Variants in BPIFA3 observed in about 807,000 individuals in gnomAD.
BPIFA3 encodes the protein BPI fold containing family A member 3.
Under a neutral mutation model 29.7 loss-of-function variants are expected in BPIFA3, and 32 were observed. The observed-to-expected ratio is 1.08, with a 90% CI of 0.81 to 1.45. BPIFA3 has a LOEUF of 1.45. Ranked by LOEUF, BPIFA3 falls within the 40% of genes most tolerant of loss-of-function variation. The probability of loss-of-function intolerance (pLI) is 0.00; values close to 1 mark genes in which losing one functional copy is unlikely to be tolerated. For synonymous variants in BPIFA3, 112 were observed against 113.7 expected (o/e 0.98, Z 0.10); for missense variants, 323 against 311.3 (o/e 1.04, Z -0.28).
intron 5 of BPIFA3, 86 bp from the exon 6 acceptor site, chr20:33,226,844 A>G (rs1485020830): frequency 6.5e-7 from 1 of 1,546,132 alleles, no homozygotes; most frequent in Non-Finnish European, 8.9e-7. Flanking sequence ...AAAAAATCCC[A>G]TGGAGTTGAA....
At chr20:33,221,930 G>A (rs1985532025) in intron 1 of BPIFA3, among the ~76,000 whole-genome samples, 1 of 152,218 alleles carries the variant, frequency 6.6e-6, no homozygotes, top group Non-Finnish European at 1.5e-5. Context: ...TGGAAAGTAT[G>A]TGAAAAGTTC....
At chr20:33,225,963 A>G (rs1241535867) in intron 4 of BPIFA3, 4 of 176,042 alleles carry the variant, frequency 2.3e-5, no homozygotes. Context: ...TACAGCTTTA[A>G]TAAAGCTCCA....
At chr20:33,224,053 G>A (rs1985658752) in intron 2 of BPIFA3, 92 bp downstream of exon 2, 2 of 1,482,802 alleles carry the variant, frequency 1.3e-6, no homozygotes, top group Non-Finnish European at 1.8e-6. Flanking sequence ...GAGGTGCAAG[G>A]CCTGTGAAGA....
intron 4 of BPIFA3, 139 bp downstream of exon 4, chr20:33,225,386 T>C: frequency 8.1e-7 from 1 of 1,239,396 alleles, no homozygotes; most frequent in South Asian, 1.5e-5. Flanking sequence ...TCCTCCCATG[T>C]TCCCATCCGT....
intron 4 of BPIFA3, chr20:33,226,173 A>AC: frequency 2.2e-6 from 1 of 462,364 alleles, no homozygotes; most frequent in Non-Finnish European, 3.8e-6. Flanking sequence ...TAAGGGAAAG[A>AC]CTCTGGAATC....
intron 1 of BPIFA3, among the ~76,000 whole-genome samples, chr20:33,222,629 C>T (rs1316962363): frequency 1.9e-4 from 13 of 68,822 alleles, no homozygotes; most frequent in East Asian, 4.0e-4. Context: ...GATGGATGAG[C>T]GGATGAATGG....
intron 2 of BPIFA3, 108 bp downstream of exon 2, chr20:33,224,069 G>A: frequency 7.3e-7 from 1 of 1,377,020 alleles, no homozygotes; most frequent in Non-Finnish European, 9.9e-7. Context: ...GAAGAGGGAA[G>A]GTAGGAAGAT....
At chr20:33,223,990 T>C (rs764349800) in intron 2 of BPIFA3, 29 bp downstream of exon 2, 2 of 1,610,602 alleles carry the variant, frequency 1.2e-6, no homozygotes, top group Admixed American at 3.3e-5. Flanking sequence ...TCCGTGGCCC[T>C]GGAACTCTTT....
At chr20:33,224,040 G>A in intron 2 of BPIFA3, 79 bp downstream of exon 2, 2 of 1,543,444 alleles carry the variant, frequency 1.3e-6, no homozygotes, top group Non-Finnish European at 1.8e-6. Context: ...ATGGGGGGCT[G>A]GGGAGGTGCA....
chr20:33,224,077 G>T (rs923204857), intron 2 of BPIFA3, 116 bp downstream of exon 2: 9 of 1,333,764 alleles, frequency 6.7e-6, no homozygotes, highest in Admixed American at 2.5e-5. Flanking sequence ...AAGGTAGGAA[G>T]ATTGAAAGAA....
At chr20:33,225,810 G>A (rs1985753899) in intron 4 of BPIFA3, 1 of 159,544 alleles carries the variant, frequency 6.3e-6, no homozygotes, top group South Asian at 1.9e-4. Flanking sequence ...CTTTGCACAT[G>A]CTGATCTTCT....
intron 1 of BPIFA3, among the ~76,000 whole-genome samples, chr20:33,221,074 T>C (rs887712644): frequency 6.6e-6 from 1 of 152,192 alleles, no homozygotes; most frequent in East Asian, 1.9e-4. Context: ...AAATGATAAA[T>C]TGTATTAATA....
chr20:33,222,603 GA>G (rs1985573119), intron 1 of BPIFA3, among the ~76,000 whole-genome samples: 18 of 129,006 alleles, frequency 1.4e-4, no homozygotes, highest in African/African-American at 6.7e-4. Flanking sequence ...TGGATGGATG[GA>G]TGAGTGGATG....
intron 1 of BPIFA3, 27 bp from the exon 2 acceptor site, chr20:33,223,782 CAA>C (rs1214642487): frequency 6.3e-7 from 1 of 1,599,522 alleles, no homozygotes; most frequent in Non-Finnish European, 8.6e-7. Context: ...TGACACTGTG[CAA>C]AGTCAGTGGT....
At chr20:33,227,054 C>G (rs1251501862) in intron 6 of BPIFA3, 61 bp downstream of exon 6, 3 of 1,507,668 alleles carry the variant, frequency 2.0e-6, no homozygotes, top group Non-Finnish European at 1.8e-6. Flanking sequence ...GAAAGAGGTA[C>G]CCCCGGCCCT....
chr20:33,222,419 G>A (rs1985554411), intron 1 of BPIFA3, among the ~76,000 whole-genome samples: 1 of 152,194 alleles, frequency 6.6e-6, no homozygotes, highest in Non-Finnish European at 1.5e-5. Flanking sequence ...AGTCAGTGAG[G>A]GTGAGGCACA....
At chr20:33,219,174 G>A (rs1055153737) in intron 1 of BPIFA3, among the ~76,000 whole-genome samples, 15 of 152,132 alleles carry the variant, frequency 9.9e-5, no homozygotes, top group African/African-American at 3.6e-4. Context: ...CAAAGTGCTG[G>A]CATTACAAGT....
chr20:33,219,748 A>C (rs900133853), intron 1 of BPIFA3, among the ~76,000 whole-genome samples: 2 of 152,222 alleles, frequency 1.3e-5, no homozygotes, highest in African/African-American at 4.8e-5. Context: ...ATCTTTGTAA[A>C]ATGCTGTTTT....
At position 33,217,614 on chromosome 20, in the gene BPIFA3, G is replaced by A. The variant is rs770120027; in HGVS notation, c.78G>A (p.Trp26Ter). 8 of 1,614,038 alleles carry A rather than the reference G, an allele frequency of 5.0e-6. No individual in the cohort carries two copies. In the East Asian group the frequency reaches 1.6e-4, roughly 31 times the overall value. Residue 26 changes from tryptophan to a stop codon, truncating the protein, a stop_gained, in exon 1 of 7, where the codon TGG becomes TGA. Coordinates refer to ENST00000375454, the MANE Select transcript of BPIFA3 (RefSeq NM_178466.5). LOFTEE classifies it high-confidence loss of function. ...ALPLAPHKQP[W>*]PGLAQAHRDN... Reference sequence around the variant, plus strand: ...CCTTGGCACCACACAAGCAGCCTTGGCCTGGCCTGGCCCAAGCCCACAGAG... The same window carrying A: ...CCTTGGCACCACACAAGCAGCCTTGACCTGGCCTGGCCCAAGCCCACAGAG...
Sources: allele counts gnomAD v4.1 joint callset (sites outside exome capture counted in the v4.1 genomes callset), GRCh38; gene constraint gnomAD v4.1.1; transcripts MANE v1.5; gene names NCBI Gene and HGNC (gene_info 2026-07-23, HGNC 2026-07-21).